Variants in EDA observed in about 807,000 individuals in gnomAD.
The protein encoded by EDA is ectodysplasin-A.
A neutral mutation model predicts 23.6 loss-of-function variants in EDA; 2 were observed. That is an observed-to-expected ratio of 0.08 (90% CI 0.03 to 0.27). EDA has a LOEUF of 0.27. Among genes scored for constraint, EDA ranks in the 10% least tolerant of loss-of-function variants. The probability of loss-of-function intolerance (pLI) is 1.00; values close to 1 mark genes in which losing one functional copy is unlikely to be tolerated. For synonymous variants in EDA, 131 were observed against 132.0 expected (o/e 0.99, Z 0.05); for missense variants, 229 against 324.2 (o/e 0.71, Z 2.26).
At chrX:70,028,061 C>A in intron 4 of EDA, 25 bp downstream of exon 4, 1 of 1,194,840 alleles carries the variant, frequency 8.4e-7, no homozygotes, top group Non-Finnish European at 1.1e-6. Context: ...CTCTCCACCC[C>A]ACCAGGTGCC....
At chrX:69,676,372 A>C (rs1934080616) in intron 1 of EDA, among the ~76,000 whole-genome samples, 1 of 111,318 alleles carries the variant, frequency 9.0e-6, no homozygotes, top group Non-Finnish European at 1.9e-5. Flanking sequence ...TGAAAGTGGT[A>C]AAAGATTGTT....
At chrX:69,751,334 T>C (rs1202079055) in intron 1 of EDA, among the ~76,000 whole-genome samples, 4 of 112,161 alleles carry the variant, frequency 3.6e-5, no homozygotes, top group Admixed American at 2.8e-4. Flanking sequence ...CAGATGGTTG[T>C]AGATGTGTGG....
intron 1 of EDA, among the ~76,000 whole-genome samples, chrX:69,698,301 A>C (rs1219436267): frequency 9.0e-6 from 1 of 111,633 alleles, no homozygotes. Flanking sequence ...CGACGGATCC[A>C]GTAGGGGAGT....
chrX:69,673,433 A>G (rs1215803170), intron 1 of EDA, among the ~76,000 whole-genome samples: 1 of 111,636 alleles, frequency 9.0e-6, no homozygotes, highest in Non-Finnish European at 1.9e-5. Flanking sequence ...TGAGTGGCTC[A>G]TATGGAATGG....
intron 1 of EDA, among the ~76,000 whole-genome samples, chrX:69,926,120 A>AT (rs893490518): frequency 1.6e-3 from 172 of 108,212 alleles, no homozygotes; most frequent in African/African-American, 5.2e-3. Context: ...GGATTCATTG[A>AT]TTTTTTTTTG....
intron 1 of EDA, chrX:69,617,262 T>G: frequency 6.8e-6 from 1 of 147,951 alleles, no homozygotes; most frequent in Non-Finnish European, 1.5e-5. Context: ...CTGATTGTCC[T>G]CGGCGTTCTA....
At chrX:69,932,165 C>A (rs765552573) in intron 1 of EDA, among the ~76,000 whole-genome samples, 1 of 111,606 alleles carries the variant, frequency 9.0e-6, no homozygotes, top group Non-Finnish European at 1.9e-5. Context: ...GCAGATCAGT[C>A]GTTACCTGGA....
At chrX:69,700,765 G>A (rs1024534527) in intron 1 of EDA, among the ~76,000 whole-genome samples, 4 of 111,081 alleles carry the variant, frequency 3.6e-5, no homozygotes, top group African/African-American at 1.3e-4. Context: ...GGTTAACTAC[G>A]GATGGGGAAT....
chrX:69,627,704 A>G (rs7473011), intron 1 of EDA, among the ~76,000 whole-genome samples: 1 of 112,603 alleles, frequency 8.9e-6, no homozygotes, highest in South Asian at 3.7e-4. Flanking sequence ...TTAGGTCTGT[A>G]TCACCTGTGT....
At chrX:69,798,935 C>T (rs768561069) in intron 1 of EDA, among the ~76,000 whole-genome samples, 2 of 111,528 alleles carry the variant, frequency 1.8e-5, no homozygotes, top group Non-Finnish European at 3.8e-5. Context: ...AATCACATTA[C>T]CTGACTTAAA....
chrX:69,902,924 G>T (rs2018119158), intron 1 of EDA, among the ~76,000 whole-genome samples: 1 of 111,728 alleles, frequency 9.0e-6, no homozygotes, highest in Admixed American at 9.5e-5. Context: ...TTGTACCTTA[G>T]AGACCAGCTT....
In EDA at chrX:69,759,907, A is replaced by G. The variant is rs183504499; in HGVS notation, c.396+143203A>G. 1.8e-4 allele frequency among the ~76,000 whole-genome samples: 20 copies of G among 110,141 alleles called. No homozygotes were observed. The East Asian group carries it at 5.8e-3, about 32-fold the overall frequency. On this transcript the variant is annotated intron_variant, in intron 1 of 7. Coordinates refer to ENST00000374552, the MANE Select transcript of EDA (RefSeq NM_001399.5). ...GATCAGACTGACATTGGCATGGTAC[A>G]GCGTGGTGATTTAGAGAACAAGGGG...
At chrX:69,669,369 C>G (rs1483437725) in intron 1 of EDA, among the ~76,000 whole-genome samples, 3 of 111,267 alleles carry the variant, frequency 2.7e-5, no homozygotes, top group Admixed American at 9.6e-5. Flanking sequence ...TCTCTGTTGT[C>G]TATCTTTGTG....
At chrX:69,704,544 C>G (rs1366632608) in intron 1 of EDA, among the ~76,000 whole-genome samples, 2 of 108,767 alleles carry the variant, frequency 1.8e-5, no homozygotes, top group African/African-American at 6.7e-5. Flanking sequence ...CCCATTATCA[C>G]TTGAACTAGT....
In EDA at chrX:69,871,916, C is replaced by T. The variant is rs1317153353; in HGVS notation, c.397-85111C>T. Among the ~76,000 whole-genome samples the T allele has an allele frequency of 2.7e-5, 3 of 111,853 alleles. No individual in the cohort carries two copies. The East Asian group carries it at 8.5e-4, about 32-fold the overall frequency. ...CAAAGAACACCTGGGAAATTCATCACAAAAAGATCATCACCTAGGTACATA... is the reference window on the plus strand; with the variant it reads ...CAAAGAACACCTGGGAAATTCATCATAAAAAGATCATCACCTAGGTACATA... On this transcript the variant is annotated intron_variant, in intron 1 of 7. Coordinates refer to ENST00000374552, the MANE Select transcript of EDA (RefSeq NM_001399.5).
At chrX:69,702,626 T>C (rs1266684463) in intron 1 of EDA, among the ~76,000 whole-genome samples, 1 of 109,678 alleles carries the variant, frequency 9.1e-6, no homozygotes, top group Non-Finnish European at 1.9e-5. Context: ...GACAGCAGTC[T>C]GCTGGATCCA....
At chrX:69,849,130 CACAT>C (rs966835965) in intron 1 of EDA, among the ~76,000 whole-genome samples, 13 of 96,349 alleles carry the variant, frequency 1.3e-4, no homozygotes, top group Non-Finnish European at 2.7e-4. Context: ...CACACACACA[CACAT>C]ACATATTATT....
intron 1 of EDA, among the ~76,000 whole-genome samples, chrX:69,855,091 T>C (rs1183576421): frequency 8.9e-6 from 1 of 112,019 alleles, no homozygotes; most frequent in Admixed American, 9.5e-5. Flanking sequence ...TTTCACATGA[T>C]TTTTGGCAGT....
chrX:69,766,107 C>T (rs774972925), intron 1 of EDA, among the ~76,000 whole-genome samples: 2 of 111,709 alleles, frequency 1.8e-5, no homozygotes, highest in Admixed American at 9.6e-5. Flanking sequence ...GGATGTACCA[C>T]GGTTTGCTCA....
Sources: allele counts gnomAD v4.1 joint callset (sites outside exome capture counted in the v4.1 genomes callset), GRCh38; gene constraint gnomAD v4.1.1; transcripts MANE v1.5; gene names NCBI Gene and HGNC (gene_info 2026-07-23, HGNC 2026-07-21).